SPTBN5: variants seen among roughly 807,000 people sequenced by gnomAD.
The protein encoded by SPTBN5 is spectrin beta chain, non-erythrocytic 5.
A neutral mutation model predicts 477.6 loss-of-function variants in SPTBN5; 513 were observed. The ratio of observed to expected loss-of-function variants is 1.07; its 90% CI spans 1.00 to 1.16. The LOEUF (loss-of-function observed/expected upper bound fraction) is 1.16. Among genes scored for constraint, SPTBN5 ranks in the 50% most tolerant of loss-of-function variants. The probability of loss-of-function intolerance (pLI) is 0.00; values close to 1 mark genes in which losing one functional copy is unlikely to be tolerated. For missense variants in SPTBN5, 5,062 were observed against 4,731.8 expected (o/e 1.07, Z -2.05); for synonymous variants, 2,169 against 2,011.7 (o/e 1.08, Z -2.09).
At position 41,850,784 on chromosome 15, in the gene SPTBN5, CACTAGGGGCCCAGGA is replaced by C. The variant is rs1414249804; in HGVS notation, c.10921+55_10921+69del. 1.8e-4 allele frequency: 246 copies of C among 1,368,982 alleles called. 1 individual carries two copies. The highest frequency in any genetic ancestry group is 5.2e-4 in the South Asian group (39 of 75,286). The allele number at this position is 1,368,982 out of a possible 1,614,324, so 84.8% of individuals were successfully genotyped here. A position where few individuals can be genotyped will look rare whatever the true frequency, so the allele number is the denominator to read the frequency against. On this transcript the variant is annotated intron_variant, in intron 66 of 67. Transcript: ENST00000320955. ...TGAAACCTCCCTAGGATGCATAAAA[CACTAGGGGCCCAGGA>C]GCTTGGGGCCCAGGGAGTCGGCCGC...
intron 11 of SPTBN5, 40 bp downstream of exon 11, chr15:41,882,229 C>CCCCG: frequency 4.0e-6 from 5 of 1,263,826 alleles, no homozygotes; most frequent in Non-Finnish European, 5.3e-6. Context: ...CCCGCCTCGC[C>CCCCG]GGGCCCCGCC....
chr15:41,851,913 C>A (rs1595438682), intron 62 of SPTBN5, 63 bp from the exon 63 acceptor site: 1 of 1,302,786 alleles, frequency 7.7e-7, no homozygotes, highest in Non-Finnish European at 1.1e-6. Context: ...GTGGGCAAGG[C>A]ACCCACTGCC....
At chr15:41,878,715 C>T in intron 16 of SPTBN5, 86 bp from the exon 17 acceptor site, 1 of 1,430,560 alleles carries the variant, frequency 7.0e-7, no homozygotes. Flanking sequence ...ACCTGCATCC[C>T]CCAGGGAGAG....
intron 12 of SPTBN5, among the ~76,000 whole-genome samples, chr15:41,881,671 C>G (rs1040540741): frequency 1.6e-4 from 24 of 152,158 alleles, no homozygotes; most frequent in Non-Finnish European, 2.8e-4. Flanking sequence ...AAGTGCTTAA[C>G]GGTCTGAAAC....
chr15:41,867,974 A>T, intron 34 of SPTBN5, 95 bp downstream of exon 34: 1 of 1,436,828 alleles, frequency 7.0e-7, no homozygotes, highest in South Asian at 1.4e-5. Flanking sequence ...TTAGAGAAAA[A>T]GCCAGAGAGG....
In SPTBN5 at chr15:41,871,418, G is replaced by A. The variant is rs1023819704; in HGVS notation, c.5404C>T (p.His1802Tyr). ...TGACGGACCATGGGGCCAGCACTGT[G>A]CCCACGCTCTAGCAGGCTCTCCGCC... Reference protein sequence around the residue: ...LLAESLLERGHSAGPMVRQRQ... With the variant: ...LLAESLLERGYSAGPMVRQRQ... Residue 1802 changes from histidine to tyrosine, a missense_variant, in exon 29 of 68, where the codon CAC (histidine) becomes TAC (tyrosine). Physicochemically the swap from His to Tyr is moderately conservative, Grantham distance 83. Transcript: ENST00000320955. 2 of 1,541,866 alleles carry A rather than the reference G, an allele frequency of 1.3e-6. No homozygotes were observed. The highest frequency in any genetic ancestry group is 1.7e-4 in the Middle Eastern group (1 of 5,942).
intron 4 of SPTBN5, among the ~76,000 whole-genome samples, chr15:41,889,577 G>C (rs1442766950): frequency 1.3e-5 from 2 of 152,050 alleles, no homozygotes; most frequent in Non-Finnish European, 2.9e-5. Context: ...GCCACAAAGA[G>C]TTTATAGTCT....
In SPTBN5 at chr15:41,854,790, G is replaced by C; in HGVS notation, c.9610C>G (p.Arg3204Gly). The change falls in exon 56 of 68, where the codon CGC becomes GGC. Residue 3204 changes from arginine (R) to glycine (G), a missense_variant. Transcript: ENST00000320955. Reference sequence around the variant, plus strand: ...GGCCTGTGATCACCTACCTCTGTGCGGGCTTTTATTGCTTGGTCCAACCTC... The same window carrying C: ...GGCCTGTGATCACCTACCTCTGTGCCGGCTTTTATTGCTTGGTCCAACCTC... ...WERLDQAIKA[R>G]TENLAAAHEV... 4 of 1,540,372 alleles carry C rather than the reference G, an allele frequency of 2.6e-6. No individual in the cohort carries two copies. Among genetic ancestry groups the C allele is most frequent in the Non-Finnish European group, 3.5e-6 (4 of 1,142,808 alleles).
intron 7 of SPTBN5, among the ~76,000 whole-genome samples, chr15:41,884,279 C>T (rs1284858119): frequency 6.6e-6 from 1 of 152,174 alleles, no homozygotes; most frequent in Non-Finnish European, 1.5e-5. Flanking sequence ...AGCCACTGCG[C>T]CCGGCCAATT....
At position 41,874,446 on chromosome 15, in the gene SPTBN5, C is replaced by T. The variant is rs200374081; in HGVS notation, c.4535G>A (p.Arg1512Gln). ...LELLQGHLAI[R>Q]GLQLQASVEL... ...CACTGAGGCCTGCAGCTGCAGGCCCCGGATGGCCAGATGCCCCTGCAGAAG... is the reference window on the plus strand; with the variant it reads ...CACTGAGGCCTGCAGCTGCAGGCCCTGGATGGCCAGATGCCCCTGCAGAAG... Residue 1512 changes from arginine (R) to glutamine (Q), a missense_variant, in exon 24 of 68, where the codon CGG (arginine) becomes CAG (glutamine). Arg to Gln is a conservative substitution (Grantham distance 43). Coordinates refer to ENST00000320955, the MANE Select transcript of SPTBN5 (RefSeq NM_016642.4). The T allele has an allele frequency of 2.2e-5, 35 of 1,611,442 alleles. No individual in the cohort carries two copies. The highest frequency in any genetic ancestry group is 2.1e-4 in the African/African-American group (16 of 74,794).
intron 52 of SPTBN5, 43 bp downstream of exon 52, chr15:41,856,810 C>G: frequency 6.6e-7 from 1 of 1,513,680 alleles, no homozygotes; most frequent in South Asian, 1.2e-5. Context: ...GCTGAGAAGC[C>G]CTGCTCATGT....
rs774763439 is a variant in SPTBN5, at chr15:41,848,640, A to G, written c.11013-12T>C. On this transcript the variant is annotated splice_polypyrimidine_tract_variant and intron_variant, in intron 67 of 67. Transcript: ENST00000320955. ...CTCAGGGATCAGACCTGTTGGGAAA[A>G]CGGAATGAATTTAGTAGGGTATGGC... is the stretch of plus-strand genomic sequence containing the variant. The G allele has an allele frequency of 1.2e-6, 2 of 1,613,782 alleles. No individual in the cohort carries two copies. The highest frequency in any genetic ancestry group is 1.7e-6 in the Non-Finnish European group (2 of 1,179,794).
At chr15:41,854,398 C>G (rs2065870452) in intron 56 of SPTBN5, among the ~76,000 whole-genome samples, 193 bp from the exon 57 acceptor site, 1 of 120,692 alleles carries the variant, frequency 8.3e-6, no homozygotes, top group South Asian at 3.0e-4. Flanking sequence ...TGCGGCAGGC[C>G]AGGGGGTGGG....
Position 41,873,549 on chromosome 15 carries a change from G to T in SPTBN5, c.4950C>A (p.Ser1650Arg). ...CCTCGTCTCTGCCATAGTCCCGACTGCTCACCAGCGGCCGCTTCTCCTCCA... is the reference window on the plus strand; with the variant it reads ...CCTCGTCTCTGCCATAGTCCCGACTTCTCACCAGCGGCCGCTTCTCCTCCA... ...GWVEEKRPLV[S>R]SRDYGRDEAA... The change falls in exon 26 of 68, where the codon AGC (serine) becomes AGA (arginine). Residue 1650 changes from serine (S) to arginine (R), a missense_variant. Coordinates refer to ENST00000320955, the MANE Select transcript of SPTBN5 (RefSeq NM_016642.4). 1 of 1,552,204 alleles carries T rather than the reference G, an allele frequency of 6.4e-7. No individual in the cohort carries two copies. Among genetic ancestry groups the T allele is most frequent in the Non-Finnish European group, 8.7e-7 (1 of 1,147,290 alleles).
At position 41,852,915 on chromosome 15, in the gene SPTBN5, C is replaced by T. The variant is rs767294172; in HGVS notation, c.10256G>A (p.Ser3419Asn). ...WALRWQRCAE[S>N]WGLQKLRQRL... ...CTGCCGAAGCTTCTGCAGGCCCCAG[C>T]TCTCGGCACAGCGTTGCCAGCGCAG... Residue 3419 changes from serine (S) to asparagine (N), a missense_variant, in exon 60 of 68, where the codon AGC (serine) becomes AAC (asparagine). Ser to Asn is a conservative substitution (Grantham distance 46). Coordinates refer to ENST00000320955, the MANE Select transcript of SPTBN5 (RefSeq NM_016642.4). 1.2e-6 allele frequency: 2 copies of T among 1,602,788 alleles called. No homozygotes were observed. The highest frequency in any genetic ancestry group is 2.7e-5 in the African/African-American group (2 of 74,724).
intron 53 of SPTBN5, 67 bp from the exon 54 acceptor site, chr15:41,855,812 G>A (rs55959989): frequency 1.7e-5 from 24 of 1,437,758 alleles, no homozygotes; most frequent in Middle Eastern, 2.1e-4. Context: ...TTACAGCCAC[G>A]ATTCTCAGCC....
chr15:41,868,748 C>T (rs2066428979), intron 32 of SPTBN5, 147 bp from the exon 33 acceptor site: 1 of 697,742 alleles, frequency 1.4e-6, no homozygotes, highest in Non-Finnish European at 2.4e-6. Context: ...CACATGTGGC[C>T]CTTTGTCACT....
At position 41,852,880 on chromosome 15, in the gene SPTBN5, G is replaced by T; in HGVS notation, c.10291C>A (p.Gln3431Lys). The T allele has an allele frequency of 6.2e-7, 1 of 1,608,948 alleles. No individual in the cohort carries two copies. The part of the protein sequence containing the change: ...GLQKLRQRLE[Q>K]AEAWLACWEG... The stretch of plus-strand genomic sequence containing the variant: ...CAGCAGGCCAGCCAGGCCTCAGCCT[G>T]CTCCAGCCTCTGCCGAAGCTTCTGC... The change falls in exon 60 of 68, where the codon CAG (glutamine) becomes AAG (lysine). Residue 3431 changes from glutamine (Q) to lysine (K), a missense_variant. Gln to Lys is a moderately conservative substitution (Grantham distance 53). Coordinates refer to ENST00000320955, the MANE Select transcript of SPTBN5 (RefSeq NM_016642.4).
At chr15:41,852,802 A>G (rs202157978) in intron 60 of SPTBN5, 22 bp downstream of exon 60, 233 of 1,611,200 alleles carry the variant, frequency 1.4e-4, no homozygotes, top group Non-Finnish European at 1.7e-4. Flanking sequence ...GTAGCCAGCT[A>G]AGGGGCAGGA....
Sources: gnomAD v4.1 joint callset for allele counts (sites outside exome capture counted in the v4.1 genomes callset) on GRCh38, gnomAD v4.1.1 for gene constraint, MANE v1.5 for transcripts, NCBI Gene and HGNC (gene_info 2026-07-23, HGNC 2026-07-21) for gene names.